The following IDH2 variants were observed in gnomAD, a reference collection of about 807,000 sequenced individuals.
The protein encoded by IDH2 is isocitrate dehydrogenase [NADP], mitochondrial.
IDH2 carries 18 observed loss-of-function variants against 50.5 expected under a neutral mutation model. The ratio of observed to expected loss-of-function variants is 0.36; its 90% CI spans 0.25 to 0.53. The LOEUF (loss-of-function observed/expected upper bound fraction) is 0.53, where lower values mean the gene tolerates loss of function less well. IDH2 is among the 20% of genes least tolerant of loss of function. IDH2 has a pLI of 0.92. For missense variants in IDH2, 518 were observed against 610.7 expected, an observed-to-expected ratio of 0.85 and a Z score of 1.60; for synonymous variants, 280 against 239.8, an observed-to-expected ratio of 1.17 and a Z score of -1.55.
At chr15:90,099,499 G>T (rs867936344) in intron 1 of IDH2, among the ~76,000 whole-genome samples, 1 of 152,128 alleles carries the variant, frequency 6.6e-6, no homozygotes, top group Non-Finnish European at 1.5e-5. Context: ...GCAGGGTCTT[G>T]CTTTGTCACC....
chr15:90,096,208 G>A (rs778592709), intron 1 of IDH2, among the ~76,000 whole-genome samples: 1 of 152,168 alleles, frequency 6.6e-6, no homozygotes. Flanking sequence ...GCTGAGGCAG[G>A]AGAATTGCTT....
At position 90,088,388 on chromosome 15, in the gene IDH2, C is replaced by G. The variant is rs745751309; in HGVS notation, c.649G>C (p.Val217Leu). Residue 217 changes from valine (V) to leucine (L), a missense_variant, in exon 5 of 11, where the codon GTG becomes CTG. Transcript: ENST00000330062. Reference protein sequence around the residue: ...WEVYNFPAGGVGMGMYNTDES... With the variant: ...WEVYNFPAGGLGMGMYNTDES... ...TCGGTGTTGTACATGCCCATGCCCA[C>G]GCCGCCTGCGGGGAAGTTGTACACT... 3 of 1,613,988 alleles carry G rather than the reference C, an allele frequency of 1.9e-6. No homozygotes were observed. Among genetic ancestry groups the G allele is most frequent in the Non-Finnish European group, 1.7e-6 (2 of 1,180,050 alleles).
chr15:90,095,991 C>CAAAT (rs1161423023), intron 1 of IDH2, among the ~76,000 whole-genome samples: 3 of 152,142 alleles, frequency 2.0e-5, no homozygotes, highest in Non-Finnish European at 4.4e-5. Context: ...ACAAATAACT[C>CAAAT]AACGTTAAAA....
intron 1 of IDH2, among the ~76,000 whole-genome samples, chr15:90,099,827 C>T (rs1339659325): frequency 6.6e-6 from 1 of 152,182 alleles, no homozygotes; most frequent in African/African-American, 2.4e-5. Context: ...CCCCCTCCCA[C>T]ATCAGAATTT....
chr15:90,085,033 C>T lies in IDH2; in HGVS notation c.1146G>A (p.Arg382=), dbSNP rs1168665757. 7.4e-6 allele frequency: 12 copies of T among 1,613,906 alleles called. No homozygotes were observed. The highest frequency in any genetic ancestry group is 9.3e-6 in the Non-Finnish European group (11 of 1,180,012). ...GGTCTTGGTTCCCATCCAGCTTCCCCCGGTGCTCCAGGCCACGTGTCCAGG... is the reference window on the plus strand; with the variant it reads ...GGTCTTGGTTCCCATCCAGCTTCCCTCGGTGCTCCAGGCCACGTGTCCAGG... ...IFAWTRGLEH[R]GKLDGNQDLI... is the part of the protein sequence containing the mutation. The change falls in exon 9 of 11, where the codon CGG becomes CGA. Residue 382 remains arginine (R), a synonymous_variant. Coordinates refer to ENST00000330062, the MANE Select transcript of IDH2 (RefSeq NM_002168.4). The surrounding 1 kb of genome is among the most constrained non-coding windows in gnomAD (Gnocchi z 5.5).
In IDH2 at chr15:90,091,555, T is replaced by C. The variant is rs1299878535; in HGVS notation, c.205A>G (p.Lys69Glu). 8.1e-6 allele frequency: 13 copies of C among 1,613,054 alleles called. No homozygotes were observed. Among genetic ancestry groups the C allele is most frequent in the Non-Finnish European group, 1.1e-5 (13 of 1,179,036 alleles). ...CCCACTTCAGGAGGGGGCACTACCT[T>C]CTCCTTGATGAACTGCCAGATAATA... is the stretch of plus-strand genomic sequence containing the variant. The part of the protein sequence containing the change: ...TRIIWQFIKE[K>E]LILPHVDIQL... The change falls in exon 2 of 11, where the codon AAG becomes GAG. Residue 69 changes from lysine to glutamate, a missense_variant and splice_region_variant. This residue lies in a region of IDH2 where 68 missense variants were observed against 109.7 expected (regional missense o/e 0.62). Coordinates refer to ENST00000330062, the MANE Select transcript of IDH2 (RefSeq NM_002168.4).
At chr15:90,088,084 A>ATTTCTTTTCT (rs374137419) in intron 5 of IDH2, among the ~76,000 whole-genome samples, 4 of 151,878 alleles carry the variant, frequency 2.6e-5, no homozygotes, top group African/African-American at 7.2e-5. Flanking sequence ...GCTCGTGGCC[A>ATTTCTTTTCT]TTTCTTTTCT....
At position 90,087,271 on chromosome 15, in the gene IDH2, TA is replaced by T; in HGVS notation, c.816-9del. 1 of 1,613,630 alleles carries T rather than the reference TA, an allele frequency of 6.2e-7. No individual in the cohort carries two copies. The highest frequency in any genetic ancestry group is 8.5e-7 in the Non-Finnish European group (1 of 1,179,936). The stretch of plus-strand genomic sequence containing the variant: ...AAGTCGGTCTTATAGTGCCTGGGAG[TA>T]AAAAGGTCTGTTATGGGGAGAGGGC... On this transcript the variant is annotated splice_polypyrimidine_tract_variant and intron_variant, in intron 6 of 10. Coordinates refer to ENST00000330062, the MANE Select transcript of IDH2 (RefSeq NM_002168.4).
rs1900785786 is a variant in IDH2, at chr15:90,083,891, T to C, written c.*375A>G. 1.0e-5 allele frequency: 4 copies of C among 386,660 alleles called. No homozygotes were observed. Among genetic ancestry groups the C allele is most frequent in the Non-Finnish European group, 1.9e-5 (4 of 205,814 alleles). 24.0% of individuals were successfully genotyped at this position (386,660 alleles called of 1,614,324 possible). On this transcript the variant is annotated 3_prime_UTR_variant, in exon 11 of 11. Coordinates refer to ENST00000330062, the MANE Select transcript of IDH2 (RefSeq NM_002168.4). ...AGCCCCTTCCTGAGGTGCTCTGGTCTGCCCCAGGGGAACCTGCCAGCTCTA... is the reference window on the plus strand; with the variant it reads ...AGCCCCTTCCTGAGGTGCTCTGGTCCGCCCCAGGGGAACCTGCCAGCTCTA...
intron 7 of IDH2, among the ~76,000 whole-genome samples, chr15:90,086,451 T>C (rs1407291268): frequency 1.3e-5 from 2 of 152,082 alleles, no homozygotes; most frequent in African/African-American, 2.4e-5. Flanking sequence ...TGGAGTGCAA[T>C]GGCGCAATCT....
At chr15:90,087,691 G>A (rs941738910) in intron 5 of IDH2, 116 bp from the exon 6 acceptor site, 6 of 1,189,642 alleles carry the variant, frequency 5.0e-6, no homozygotes, top group Non-Finnish European at 7.4e-6. Context: ...CCGCCCACGC[G>A]ACTGTTTAAC....
chr15:90,100,965 GA>G lies in IDH2; in HGVS notation c.115+1310del, dbSNP rs1901315479. Among the ~76,000 whole-genome samples the G allele has an allele frequency of 1.3e-5, 2 of 148,216 alleles. No individual in the cohort carries two copies. The highest frequency in any genetic ancestry group is 6.7e-5 in the Admixed American group (1 of 14,952). ...TTTTTTTTTTTTTACCATCAAGGCA[GA>G]AAAAAAGGGAGAATTAAAGAATGTG... On this transcript the variant is annotated intron_variant, in intron 1 of 10. Transcript: ENST00000330062. This position sits in a 1 kb window ranked among gnomAD's most constrained non-coding sequence, Gnocchi z 4.1.
At chr15:90,090,721 T>C in intron 2 of IDH2, 77 bp from the exon 3 acceptor site, 1 of 1,467,032 alleles carries the variant, frequency 6.8e-7, no homozygotes, top group Non-Finnish European at 9.6e-7. Context: ...ATAAGAAGTC[T>C]GCAGGCCATG....
Position 90,084,687 on chromosome 15 carries a change from A to G in IDH2, c.1271+129T>C. The G allele has an allele frequency of 1.2e-6, 1 of 810,194 alleles. No individual in the cohort carries two copies. The highest frequency in any genetic ancestry group is 2.5e-5 in the East Asian group (1 of 40,528). 50.2% of individuals were successfully genotyped at this position (810,194 alleles called of 1,614,324 possible). ...CAGAGGCTGGCCTGAGCAGTCTCTCAGGGCTGTGGACATGTCCTGCCCCAG... is the reference window on the plus strand; with the variant it reads ...CAGAGGCTGGCCTGAGCAGTCTCTCGGGGCTGTGGACATGTCCTGCCCCAG... On this transcript the variant is annotated intron_variant, in intron 10 of 10. Coordinates refer to ENST00000330062, the MANE Select transcript of IDH2 (RefSeq NM_002168.4). The surrounding 1 kb of genome is among the most constrained non-coding windows in gnomAD (Gnocchi z 5.0).
rs1303260275 is a variant in IDH2 at position 90,102,445 on chromosome 15, C to T, written c.-55G>A. 7 of 1,023,522 alleles carry T rather than the reference C, an allele frequency of 6.8e-6. No individual in the cohort carries two copies. The highest frequency in any genetic ancestry group is 8.7e-6 in the Non-Finnish European group (7 of 802,576). The allele number at this position is 1,023,522 out of a possible 1,614,324, so 63.4% of individuals were successfully genotyped here. A position where few individuals can be genotyped will look rare whatever the true frequency, so the allele number is the denominator to read the frequency against. ...GGAGAGGTCCGAGCGCGCGCCGCTC[C>T]TCCCGGCTGCCTGGCCGCGGGCTAA... is the stretch of plus-strand genomic sequence containing the variant. On this transcript the variant is annotated 5_prime_UTR_variant, in exon 1 of 11. Transcript: ENST00000330062.
At chr15:90,090,742 G>A (rs1272808997) in intron 2 of IDH2, 98 bp from the exon 3 acceptor site, 6 of 1,317,260 alleles carry the variant, frequency 4.6e-6, no homozygotes, top group Middle Eastern at 1.8e-4. Flanking sequence ...GCAGGGGACA[G>A]TCAGTCAAAA....
Position 90,083,901 on chromosome 15 carries a change from G to T in IDH2, c.*365C>A. 2.5e-6 allele frequency: 1 copy of T among 404,902 alleles called. No homozygotes were observed. The highest frequency in any genetic ancestry group is 2.4e-5 in the South Asian group (1 of 40,848). The allele number at this position is 404,902 out of a possible 1,614,324, so 25.1% of individuals were successfully genotyped here. A position where few individuals can be genotyped will look rare whatever the true frequency, so the allele number is the denominator to read the frequency against. ...TGAGGTGCTCTGGTCTGCCCCAGGG[G>T]AACCTGCCAGCTCTAGCAGGGCCTC... is the stretch of plus-strand genomic sequence containing the variant. On this transcript the variant is annotated 3_prime_UTR_variant, in exon 11 of 11. Transcript: ENST00000330062.
Position 90,098,970 on chromosome 15 carries a change from C to A in IDH2, c.115+3306G>T, listed in dbSNP as rs559201943. Among the ~76,000 whole-genome samples the A allele has an allele frequency of 6.6e-6, 1 of 152,188 alleles. No homozygotes were observed. The highest frequency in any genetic ancestry group is 2.1e-4 in the South Asian group (1 of 4,820). On this transcript the variant is annotated intron_variant, in intron 1 of 10. Coordinates refer to ENST00000330062, the MANE Select transcript of IDH2 (RefSeq NM_002168.4). This position sits in a 1 kb window ranked among gnomAD's most constrained non-coding sequence, Gnocchi z 5.1. Reference sequence around the variant, plus strand: ...CCTTGCCATAAGTGAGTGCCTGCTGCGTATCTAGATTTTTATGTAAAATCG... The same window carrying A: ...CCTTGCCATAAGTGAGTGCCTGCTGAGTATCTAGATTTTTATGTAAAATCG...
Position 90,090,658 on chromosome 15 carries a change from G to A in IDH2, c.208-14C>T, listed in dbSNP as rs753206543. On this transcript the variant is annotated splice_polypyrimidine_tract_variant and intron_variant, in intron 2 of 10. Transcript: ENST00000330062. ...GGGCAGGATGAGCTGGGGACAGAGG[G>A]CCAGAGCAAGGCGTCACCCCAGTGA... 1.1e-5 allele frequency: 18 copies of A among 1,613,966 alleles called. 1 individual carries two copies. In the East Asian group the frequency reaches 3.8e-4, roughly 34 times the overall value.
Sources: gnomAD v4.1 joint callset for allele counts (sites outside exome capture counted in the v4.1 genomes callset) on GRCh38, gnomAD v4.1.1 for gene constraint, gnomAD v4.1.1 regional missense constraint, Gnocchi (gnomAD v3.1) non-coding constraint, MANE v1.5 for transcripts, NCBI Gene and HGNC (gene_info 2026-07-23, HGNC 2026-07-21) for gene names.